Variants in SNTG1 observed in about 807,000 individuals in gnomAD.
SNTG1 encodes gamma-1-syntrophin.
Under a neutral mutation model 74.7 loss-of-function variants are expected in SNTG1, and 39 were observed. That is an observed-to-expected ratio of 0.52 (90% CI 0.40 to 0.68). The LOEUF (loss-of-function observed/expected upper bound fraction) is 0.68, where lower values mean the gene tolerates loss of function less well. SNTG1 is among the 30% of genes least tolerant of loss of function. SNTG1 has a pLI of 0.00. For synonymous variants in SNTG1, 254 were observed against 217.1 expected (o/e 1.17, Z -1.49); for missense variants, 685 against 609.5 (o/e 1.12, Z -1.30).
At chr8:50,522,768 G>A (rs993435254) in intron 9 of SNTG1, among the ~76,000 whole-genome samples, 15 of 152,036 alleles carry the variant, frequency 9.9e-5, no homozygotes, top group African/African-American at 3.6e-4. Flanking sequence ...TAGTAGAGAT[G>A]GGGTTTCACC....
chr8:50,481,423 T>A (rs774522750), intron 8 of SNTG1, among the ~76,000 whole-genome samples: 23 of 152,110 alleles, frequency 1.5e-4, no homozygotes, highest in Non-Finnish European at 3.1e-4. Flanking sequence ...TGTAAAGTAT[T>A]ATTAGGTTCT....
At chr8:50,661,843 A>G (rs1044367437) in intron 15 of SNTG1, among the ~76,000 whole-genome samples, 72 of 152,234 alleles carry the variant, frequency 4.7e-4, no homozygotes, top group African/African-American at 1.7e-3. Flanking sequence ...GTAATCAAGG[A>G]AGTCCCCCTC....
At chr8:50,097,260 T>C (rs900301849) in intron 1 of SNTG1, among the ~76,000 whole-genome samples, 23 of 152,182 alleles carry the variant, frequency 1.5e-4, no homozygotes, top group Admixed American at 3.3e-4. Flanking sequence ...ATTGCTGACA[T>C]AATATTCAAT....
chr8:50,550,693 G>GTGTGTATATATATATATATATA (rs1554571332), intron 11 of SNTG1, among the ~76,000 whole-genome samples: 1 of 149,028 alleles, frequency 6.7e-6, no homozygotes, highest in African/African-American at 2.5e-5. Flanking sequence ...TAGTGTGTGT[G>GTGTGTATATATATATATATATA]TATATATATA....
At chr8:50,499,469 T>C (rs2093932369) in intron 8 of SNTG1, among the ~76,000 whole-genome samples, 1 of 151,396 alleles carries the variant, frequency 6.6e-6, no homozygotes, top group Admixed American at 6.6e-5. Flanking sequence ...TAAGCCATCA[T>C]GTCATCTGCA....
chr8:50,454,280 A>T (rs1003639280), intron 8 of SNTG1, among the ~76,000 whole-genome samples: 17 of 149,076 alleles, frequency 1.1e-4, no homozygotes, highest in Admixed American at 1.1e-3. Context: ...GCAGATCACG[A>T]GGTCAGGAGT....
Position 50,715,079 on chromosome 8 carries a change from G to A in SNTG1, c.1284+6101G>A, listed in dbSNP as rs77059674. On this transcript the variant is annotated intron_variant, in intron 17 of 18. Coordinates refer to ENST00000642720, the MANE Select transcript of SNTG1 (RefSeq NM_018967.5). ...TATTCTTTATATAATAAGTATGGGC[G>A]TCCAACAAATAACACCTGAGTGTTA... Among the ~76,000 whole-genome samples the A allele has an allele frequency of 9.4e-3, 1,437 of 152,132 alleles. 30 individuals carry two copies. The highest frequency in any genetic ancestry group is 0.032 in the African/African-American group (1,324 of 41,484).
At chr8:50,538,895 T>C (rs1199670467) in intron 11 of SNTG1, among the ~76,000 whole-genome samples, 2 of 152,162 alleles carry the variant, frequency 1.3e-5, no homozygotes, top group Non-Finnish European at 2.9e-5. Flanking sequence ...TTAAACAGAT[T>C]GGGAAAAGTT....
At chr8:50,182,423 A>G (rs945560575) in intron 2 of SNTG1, among the ~76,000 whole-genome samples, 1 of 152,174 alleles carries the variant, frequency 6.6e-6, no homozygotes, top group Admixed American at 6.6e-5. Context: ...ATTGCAGGGT[A>G]TAAACACTAT....
chr8:50,516,910 G>A (rs2094138254), intron 9 of SNTG1, among the ~76,000 whole-genome samples: 2 of 152,112 alleles, frequency 1.3e-5, no homozygotes, highest in Admixed American at 1.3e-4. Flanking sequence ...ACATAGCAAG[G>A]CAGGCCAACA....
chr8:50,493,593 C>T (rs1462730185), intron 8 of SNTG1, among the ~76,000 whole-genome samples: 4 of 152,004 alleles, frequency 2.6e-5, no homozygotes, highest in Admixed American at 2.0e-4. Context: ...GTTGATTAAA[C>T]ATTTGACCAG....
intron 9 of SNTG1, among the ~76,000 whole-genome samples, chr8:50,512,206 T>C (rs1210849126): frequency 1.3e-5 from 2 of 152,278 alleles, no homozygotes; most frequent in Admixed American, 6.5e-5. Context: ...AAATTCTGAG[T>C]TGAAAATTCT....
In SNTG1 at chr8:49,922,556, A is replaced by C. The variant is rs377181133; in HGVS notation, c.-103+10325A>C. 1.4e-3 allele frequency among the ~76,000 whole-genome samples: 213 copies of C among 152,128 alleles called. 2 individuals carry two copies. The highest frequency in any genetic ancestry group is 4.8e-3 in the African/African-American group (199 of 41,514). On this transcript the variant is annotated intron_variant, in intron 1 of 18. Coordinates refer to ENST00000642720, the MANE Select transcript of SNTG1 (RefSeq NM_018967.5). ...TGAAGCTAACCCATGGAGGGTGAGGAGGTGTTTATCACTGTGGAGAAGGGA... is the reference window on the plus strand; with the variant it reads ...TGAAGCTAACCCATGGAGGGTGAGGCGGTGTTTATCACTGTGGAGAAGGGA...
intron 2 of SNTG1, among the ~76,000 whole-genome samples, chr8:50,213,603 T>G (rs894622884): frequency 6.6e-6 from 1 of 152,264 alleles, no homozygotes. Context: ...GTTTCCTGAC[T>G]TTTTAATGAT....
intron 12 of SNTG1, among the ~76,000 whole-genome samples, chr8:50,590,212 A>G (rs1407859568): frequency 6.6e-6 from 1 of 152,144 alleles, no homozygotes; most frequent in Admixed American, 6.5e-5. Flanking sequence ...TTCTCTACAA[A>G]GCTATTGGAA....
chr8:50,632,441 G>T (rs2095007293), intron 13 of SNTG1, among the ~76,000 whole-genome samples: 1 of 152,038 alleles, frequency 6.6e-6, no homozygotes, highest in African/African-American at 2.4e-5. Flanking sequence ...ATCCTGAGTA[G>T]TTGGGACCAC....
intron 18 of SNTG1, among the ~76,000 whole-genome samples, chr8:50,760,451 A>G (rs796815181): frequency 2.6e-5 from 4 of 152,148 alleles, no homozygotes; most frequent in African/African-American, 9.6e-5. Flanking sequence ...GTTTTTGCCC[A>G]TTTAGTATGA....
chr8:50,606,120 G>A (rs112450001), intron 13 of SNTG1, among the ~76,000 whole-genome samples: 45 of 152,086 alleles, frequency 3.0e-4, no homozygotes, highest in African/African-American at 8.9e-4. Context: ...GTTTTTATTC[G>A]AAGTAATTTT....
chr8:50,456,747 A>C (rs2131656788), intron 8 of SNTG1, among the ~76,000 whole-genome samples: 1 of 152,170 alleles, frequency 6.6e-6, no homozygotes, highest in South Asian at 2.1e-4. Context: ...ATGAGACAAA[A>C]CCAGGCCTGA....
Sources: gnomAD v4.1 joint callset for allele counts (sites outside exome capture counted in the v4.1 genomes callset) on GRCh38, gnomAD v4.1.1 for gene constraint, MANE v1.5 for transcripts, NCBI Gene and HGNC (gene_info 2026-07-23, HGNC 2026-07-21) for gene names.